Variants in EDEM1 observed in about 807,000 individuals in gnomAD.
The protein encoded by EDEM1 is ER degradation enhancing alpha-mannosidase like protein 1.
In EDEM1, 67 loss-of-function variants were observed where a neutral mutation model predicts 74.4. That is an observed-to-expected ratio of 0.90 (90% CI 0.74 to 1.10). The LOEUF (loss-of-function observed/expected upper bound fraction) is 1.10, where lower values mean the gene tolerates loss of function less well. EDEM1 is among the 50% of genes least tolerant of loss of function. The probability of loss-of-function intolerance (pLI) is 0.00; values close to 1 mark genes in which losing one functional copy is unlikely to be tolerated. For synonymous variants in EDEM1, 382 were observed against 335.9 expected, an observed-to-expected ratio of 1.14 and a Z score of -1.50; for missense variants, 926 against 851.6, an observed-to-expected ratio of 1.09 and a Z score of -1.09.
In EDEM1 at chr3:5,203,066, TG is replaced by T. The variant is rs771565906; in HGVS notation, c.964del (p.Asp322ThrfsTer12). On this transcript the variant is annotated frameshift_variant, in exon 5 of 12. Coordinates refer to ENST00000256497, the MANE Select transcript of EDEM1 (RefSeq NM_014674.3). LOFTEE classifies it high-confidence loss of function. ...GAATTTGGGATTCTGAGTCGACTCCTGGGGGACTCCACATTTGAGTGGGTGG... is the reference window on the plus strand; with the variant it reads ...GAATTTGGGATTCTGAGTCGACTCCTGGGGACTCCACATTTGAGTGGGTGG... ...LVEFGILSRL[L>X]GDSTFEWVAR... 1 of 1,613,472 alleles carries T rather than the reference TG, an allele frequency of 6.2e-7. No individual in the cohort carries two copies. Among genetic ancestry groups the T allele is most frequent in the Non-Finnish European group, 8.5e-7 (1 of 1,179,794 alleles).
chr3:5,191,966 T>G (rs1256253544), intron 1 of EDEM1, among the ~76,000 whole-genome samples: 4 of 152,230 alleles, frequency 2.6e-5, no homozygotes, highest in Admixed American at 2.6e-4. Flanking sequence ...GTATTGCTAT[T>G]AAAACAACAA....
At chr3:5,203,272 C>G in intron 5 of EDEM1, 123 bp downstream of exon 5, 3 of 1,010,382 alleles carry the variant, frequency 3.0e-6, no homozygotes, top group East Asian at 5.8e-5. Context: ...AGAATTGTGT[C>G]AGCTCTATCT....
chr3:5,208,391 C>G, intron 8 of EDEM1, 128 bp downstream of exon 8: 1 of 1,114,082 alleles, frequency 9.0e-7, no homozygotes, highest in Non-Finnish European at 1.3e-6. Context: ...TTGAGTTACC[C>G]CCTATCCGTA....
intron 11 of EDEM1, among the ~76,000 whole-genome samples, chr3:5,214,585 C>T (rs1172626379): frequency 6.6e-6 from 1 of 152,112 alleles, no homozygotes; most frequent in Non-Finnish European, 1.5e-5. Flanking sequence ...CCAGGGTTAG[C>T]CTTTGCACCA....
At chr3:5,211,608 C>T (rs1045915993) in intron 10 of EDEM1, among the ~76,000 whole-genome samples, 12 of 151,902 alleles carry the variant, frequency 7.9e-5, no homozygotes, top group African/African-American at 2.9e-4. Flanking sequence ...TGCAGCTCAG[C>T]CTTGTCTCTG....
At chr3:5,190,241 G>A (rs990425844) in intron 1 of EDEM1, among the ~76,000 whole-genome samples, 2 of 152,156 alleles carry the variant, frequency 1.3e-5, no homozygotes, top group Non-Finnish European at 2.9e-5. Flanking sequence ...TTTTCCACTA[G>A]TGCTCTTGGT....
chr3:5,210,727 AG>A (rs745711828), intron 9 of EDEM1, among the ~76,000 whole-genome samples: 13 of 151,488 alleles, frequency 8.6e-5, no homozygotes, highest in South Asian at 2.1e-4. Context: ...TTTTTTTTTA[AG>A]TACTATCTTA....
At position 5,205,216 on chromosome 3, in the gene EDEM1, A is replaced by T. The variant is rs1339281017; in HGVS notation, c.1192A>T (p.Ser398Cys). Reference protein sequence around the residue: ...DLEMFNAAYQSIQNYLRRGRE... With the variant: ...DLEMFNAAYQCIQNYLRRGRE... ...AGAAATGTTTAATGCTGCATATCAG[A>T]GTATTCAGAACTACTTAAGAAGAGG... Residue 398 changes from serine to cysteine, a missense_variant, in exon 6 of 12, where the codon AGT becomes TGT. Transcript: ENST00000256497. The T allele has an allele frequency of 3.1e-6, 5 of 1,614,028 alleles. No individual in the cohort carries two copies. In the African/African-American group the frequency reaches 5.3e-5, roughly 17 times the overall value.
At chr3:5,209,901 T>C (rs1449344154) in intron 8 of EDEM1, among the ~76,000 whole-genome samples, 1 of 152,246 alleles carries the variant, frequency 6.6e-6, no homozygotes, top group Non-Finnish European at 1.5e-5. Flanking sequence ...TTTCTAATCA[T>C]GATGGCAACC....
chr3:5,198,771 A>T (rs943947771), intron 2 of EDEM1, among the ~76,000 whole-genome samples: 1 of 140,034 alleles, frequency 7.1e-6, no homozygotes, highest in South Asian at 2.2e-4. Context: ...CCTTTGGCTT[A>T]GTGATTTTGG....
Position 5,188,107 on chromosome 3 carries a change from GC to G in EDEM1, c.303del (p.Tyr102ThrfsTer72). 1 of 1,516,616 alleles carries G rather than the reference GC, an allele frequency of 6.6e-7. No homozygotes were observed. Among genetic ancestry groups the G allele is most frequent in the Non-Finnish European group, 8.8e-7 (1 of 1,131,644 alleles). The allele number at this position is 1,516,616 out of a possible 1,614,324, so 93.9% of individuals were successfully genotyped here. ...GPGMCGPANW[G>X]YVLGGRGRGP... ...GGGATGTGCGGCCCAGCCAACTGGG[GC>G]TACGTGCTGGGCGGCCGGGGCCGCG... On this transcript the variant is annotated frameshift_variant, in exon 1 of 12. Coordinates refer to ENST00000256497, the MANE Select transcript of EDEM1 (RefSeq NM_014674.3). LOFTEE classifies it high-confidence loss of function.
chr3:5,213,308 G>A lies in EDEM1; in HGVS notation c.1681-11G>A, dbSNP rs374717401. 18 of 1,608,622 alleles carry A rather than the reference G, an allele frequency of 1.1e-5. No individual in the cohort carries two copies. Among genetic ancestry groups the A allele is most frequent in the African/African-American group, 5.3e-5 (4 of 74,772 alleles). ...AATTATTGGTTGTATCTTTTTCTCC[G>A]TTCCCTCTAGCTGTTTGATGAAGAC... On this transcript the variant is annotated splice_polypyrimidine_tract_variant and intron_variant, in intron 10 of 11. Coordinates refer to ENST00000256497, the MANE Select transcript of EDEM1 (RefSeq NM_014674.3).
rs1462026800 is a variant in EDEM1 at position 5,188,158 on chromosome 3, A to G, written c.353A>G (p.Tyr118Cys). The G allele has an allele frequency of 1.3e-6, 2 of 1,545,292 alleles. No homozygotes were observed. Among genetic ancestry groups the G allele is most frequent in the African/African-American group, 1.4e-5 (1 of 71,406 alleles). The change falls in exon 1 of 12, where the codon TAC (tyrosine) becomes TGC (cysteine). Residue 118 changes from tyrosine (Y) to cysteine (C), a missense_variant. Coordinates refer to ENST00000256497, the MANE Select transcript of EDEM1 (RefSeq NM_014674.3). The part of the protein sequence containing the change: ...GRGPDEYEKR[Y>C]SGAFPPQLRA... ...GGCCCGGACGAGTACGAGAAGCGCT[A>G]CAGCGGCGCCTTCCCTCCGCAGCTG...
intron 7 of EDEM1, among the ~76,000 whole-genome samples, 194 bp downstream of exon 7, chr3:5,207,467 C>T (rs1483405405): frequency 2.0e-5 from 3 of 152,144 alleles, no homozygotes; most frequent in Non-Finnish European, 4.4e-5. Flanking sequence ...CACACAAGTG[C>T]AAAACCGTGC....
rs1306466255 is a variant in EDEM1 at position 5,187,889 on chromosome 3, G to T, written c.84G>T (p.Gly28=). The T allele has an allele frequency of 1.9e-6, 3 of 1,597,772 alleles. No individual in the cohort carries two copies. The highest frequency in any genetic ancestry group is 1.7e-6 in the Non-Finnish European group (2 of 1,174,290). The change falls in exon 1 of 12, where the codon GGG becomes GGT. Residue 28 remains glycine (G), a synonymous_variant. Transcript: ENST00000256497. Reference sequence around the variant, plus strand: ...TATTGTGGCTCGTCTTCGGGCTGGGGCCCAGCATGGGCTTCTACCAGCGCT... The same window carrying T: ...TATTGTGGCTCGTCTTCGGGCTGGGTCCCAGCATGGGCTTCTACCAGCGCT... The part of the protein sequence containing the change: ...HGVLWLVFGL[G]PSMGFYQRFP...
At chr3:5,208,733 ATGTTTG>A (rs1197831530) in intron 8 of EDEM1, among the ~76,000 whole-genome samples, 2 of 150,814 alleles carry the variant, frequency 1.3e-5, no homozygotes, top group Admixed American at 6.6e-5. Context: ...TTTTTGTTTA[ATGTTTG>A]TGTTTGTGTG....
rs776374727 is a variant in EDEM1, at chr3:5,213,526, AGTT to A, written c.1884+6_1884+8del. Reference sequence around the variant, plus strand: ...AGTCATCAACTCCAGCTCCAACGTGAGTTGCTTTTTCCAGGGGTGATTTGCATA... The same window carrying A: ...AGTCATCAACTCCAGCTCCAACGTGAGCTTTTTCCAGGGGTGATTTGCATA... On this transcript the variant is annotated splice_donor_5th_base_variant and intron_variant, in intron 11 of 11. Coordinates refer to ENST00000256497, the MANE Select transcript of EDEM1 (RefSeq NM_014674.3). The A allele has an allele frequency of 1.2e-5, 19 of 1,601,236 alleles. No homozygotes were observed. The African/African-American group carries it at 2.1e-4, about 18-fold the overall frequency.
chr3:5,205,968 T>C (rs1266332763), intron 6 of EDEM1, among the ~76,000 whole-genome samples: 1 of 152,162 alleles, frequency 6.6e-6, no homozygotes, highest in South Asian at 2.1e-4. Context: ...AACTGTGGCT[T>C]TAATTGCAGA....
Position 5,213,460 on chromosome 3 carries a change from G to A in EDEM1, c.1822G>A (p.Gly608Arg), listed in dbSNP as rs771699838. 5 of 1,613,992 alleles carry A rather than the reference G, an allele frequency of 3.1e-6. No homozygotes were observed. The highest frequency in any genetic ancestry group is 1.3e-5 in the African/African-American group (1 of 74,926). ...FFSEEGGQDQ[G>R]GKSVHRPKPH... ...CTCTGAAGAGGGAGGGCAGGACCAA[G>A]GGGGAAAGTCTGTGCACAGGCCGAA... The change falls in exon 11 of 12, where the codon GGG (glycine) becomes AGG (arginine). Residue 608 changes from glycine to arginine, a missense_variant. Transcript: ENST00000256497.
Sources: gnomAD v4.1 joint callset for allele counts (sites outside exome capture counted in the v4.1 genomes callset) on GRCh38, gnomAD v4.1.1 for gene constraint, MANE v1.5 for transcripts, NCBI Gene and HGNC (gene_info 2026-07-23, HGNC 2026-07-21) for gene names.